BMPR1A: variants seen among roughly 807,000 people sequenced by gnomAD.
The protein encoded by BMPR1A is bone morphogenetic protein receptor type 1A, also known as bone morphogenetic protein receptor type-1A.
A neutral mutation model predicts 66.0 loss-of-function variants in BMPR1A; 7 were observed. That is an observed-to-expected ratio of 0.11 (90% CI 0.06 to 0.20). The LOEUF (loss-of-function observed/expected upper bound fraction) is 0.20. Ranked by LOEUF, BMPR1A falls within the 10% of genes least tolerant of loss-of-function variation. The pLI, the probability that BMPR1A is intolerant of heterozygous loss-of-function variation, is 1.00. For synonymous variants in BMPR1A, 200 were observed against 229.7 expected (o/e 0.87, Z 1.17); for missense variants, 408 against 669.1 (o/e 0.61, Z 4.31).
At chr10:86,782,888 C>T (rs1303825864) in intron 1 of BMPR1A, among the ~76,000 whole-genome samples, 1 of 152,078 alleles carries the variant, frequency 6.6e-6, no homozygotes, top group Admixed American at 6.5e-5. Flanking sequence ...TGATGTAATT[C>T]TGTGTCTATT....
intron 1 of BMPR1A, among the ~76,000 whole-genome samples, chr10:86,821,325 A>G (rs1842117274): frequency 1.3e-5 from 2 of 152,368 alleles, no homozygotes; most frequent in African/African-American, 2.4e-5. Context: ...GAGCTAACAC[A>G]TAGAAATAAT....
chr10:86,866,311 C>A (rs1254719418), intron 2 of BMPR1A, among the ~76,000 whole-genome samples: 1 of 145,432 alleles, frequency 6.9e-6, no homozygotes, highest in Non-Finnish European at 1.5e-5. Context: ...CCTGCCAGCG[C>A]CTTAACATGC....
At chr10:86,795,975 T>G (rs1389817903) in intron 1 of BMPR1A, among the ~76,000 whole-genome samples, 1 of 152,134 alleles carries the variant, frequency 6.6e-6, no homozygotes, top group Non-Finnish European at 1.5e-5. Flanking sequence ...TGGCCATGAA[T>G]TAGATTGTGT....
intron 3 of BMPR1A, among the ~76,000 whole-genome samples, chr10:86,879,892 G>A (rs757670138): frequency 6.6e-6 from 1 of 152,166 alleles, no homozygotes; most frequent in Non-Finnish European, 1.5e-5. Context: ...CTGCTCCATA[G>A]CATGTAGATT....
intron 1 of BMPR1A, among the ~76,000 whole-genome samples, chr10:86,762,413 C>T (rs1487713619): frequency 6.6e-6 from 1 of 152,180 alleles, no homozygotes; most frequent in Non-Finnish European, 1.5e-5. Flanking sequence ...GGCTGGAGTG[C>T]AGTGGTGCGA....
At chr10:86,917,460 A>C (rs1465632301) in intron 9 of BMPR1A, 134 bp downstream of exon 9, 1 of 1,079,416 alleles carries the variant, frequency 9.3e-7, no homozygotes, top group African/African-American at 1.6e-5. Context: ...AGTAGAATAC[A>C]CGGTTTGAAT....
At chr10:86,876,460 A>G (rs866546053) in intron 3 of BMPR1A, among the ~76,000 whole-genome samples, 4 of 152,184 alleles carry the variant, frequency 2.6e-5, no homozygotes, top group Non-Finnish European at 2.9e-5. Flanking sequence ...TTAAAATACA[A>G]TAAGGAGCAA....
At chr10:86,790,222 T>TATATATATATATAAAA (rs1841593733) in intron 1 of BMPR1A, among the ~76,000 whole-genome samples, 3 of 57,154 alleles carry the variant, frequency 5.2e-5, no homozygotes, top group African/African-American at 1.8e-4. Context: ...TATATATATA[T>TATATATATATATAAAA]ATATATATAT....
chr10:86,832,072 CAGA>C (rs1286050780), intron 1 of BMPR1A, among the ~76,000 whole-genome samples: 1 of 152,138 alleles, frequency 6.6e-6, no homozygotes. Context: ...CGAACTGTAG[CAGA>C]AGGTAAGGCA....
intron 5 of BMPR1A, among the ~76,000 whole-genome samples, chr10:86,898,771 C>A (rs1349604957): frequency 1.3e-5 from 2 of 152,098 alleles, no homozygotes; most frequent in Non-Finnish European, 2.9e-5. Flanking sequence ...TTTCATTCAT[C>A]GTTAGTTATA....
intron 1 of BMPR1A, among the ~76,000 whole-genome samples, chr10:86,777,816 C>T (rs1469290756): frequency 1.3e-5 from 2 of 151,806 alleles, no homozygotes; most frequent in Admixed American, 1.3e-4. Context: ...GAGTTTGAGA[C>T]CAGGCTGACC....
chr10:86,891,576 A>G (rs558329149), intron 4 of BMPR1A, among the ~76,000 whole-genome samples: 1 of 152,286 alleles, frequency 6.6e-6, no homozygotes, highest in Non-Finnish European at 1.5e-5. Context: ...ATTTCATTAT[A>G]TATGTATGTA....
At chr10:86,774,696 A>G (rs1471716856) in intron 1 of BMPR1A, among the ~76,000 whole-genome samples, 1 of 152,226 alleles carries the variant, frequency 6.6e-6, no homozygotes, top group Non-Finnish European at 1.5e-5. Flanking sequence ...CAAGTAAAAC[A>G]CGAGCAAATT....
intron 2 of BMPR1A, among the ~76,000 whole-genome samples, chr10:86,849,230 A>G (rs746484122): frequency 1.3e-5 from 2 of 152,236 alleles, no homozygotes; most frequent in Non-Finnish European, 2.9e-5. Context: ...TAAACCAAAT[A>G]TAAAACTATA....
intron 2 of BMPR1A, among the ~76,000 whole-genome samples, chr10:86,864,897 A>C (rs1039575233): frequency 1.1e-4 from 17 of 151,482 alleles, no homozygotes; most frequent in African/African-American, 3.9e-4. Flanking sequence ...AATCTCTCCC[A>C]CTCTAGGTTC....
intron 2 of BMPR1A, among the ~76,000 whole-genome samples, chr10:86,859,454 C>T (rs1174199910): frequency 6.6e-6 from 1 of 151,928 alleles, no homozygotes; most frequent in Non-Finnish European, 1.5e-5. Context: ...TAGGTGTGAG[C>T]CATTAGCGCC....
intron 1 of BMPR1A, among the ~76,000 whole-genome samples, chr10:86,830,803 T>C (rs1842258133): frequency 6.6e-6 from 1 of 152,184 alleles, no homozygotes; most frequent in African/African-American, 2.4e-5. Context: ...AGGTCTTTTG[T>C]AGAGCAAACA....
chr10:86,791,165 T>G (rs1281552458), intron 1 of BMPR1A, among the ~76,000 whole-genome samples: 2 of 152,014 alleles, frequency 1.3e-5, no homozygotes, highest in Non-Finnish European at 2.9e-5. Context: ...CTGACAGAAT[T>G]CCTTTTATTT....
intron 10 of BMPR1A, among the ~76,000 whole-genome samples, chr10:86,920,856 C>CTTTTTTTTTT (rs397774280): frequency 9.8e-5 from 12 of 122,200 alleles, no homozygotes; most frequent in Non-Finnish European, 1.0e-4. Flanking sequence ...CTTTTCTTTT[C>CTTTTTTTTTT]TTTTTTTTTT....
Sources: gnomAD v4.1 joint callset for allele counts (sites outside exome capture counted in the v4.1 genomes callset) on GRCh38, gnomAD v4.1.1 for gene constraint, MANE v1.5 for transcripts, NCBI Gene and HGNC (gene_info 2026-07-23, HGNC 2026-07-21) for gene names.